The following HDAC5 variants were observed in gnomAD, a reference collection of about 807,000 sequenced individuals.
HDAC5 encodes the protein histone deacetylase 5, also known as antigen NY-CO-9.
HDAC5 carries 25 observed loss-of-function variants against 133.3 expected under a neutral mutation model. The ratio of observed to expected loss-of-function variants is 0.19; its 90% CI spans 0.14 to 0.26. The LOEUF (loss-of-function observed/expected upper bound fraction) is 0.26, where lower values mean the gene tolerates loss of function less well. Among genes scored for constraint, HDAC5 ranks in the 10% least tolerant of loss-of-function variants. HDAC5 has a pLI of 1.00. For synonymous variants in HDAC5, 589 were observed against 610.8 expected (o/e 0.96, Z 0.53); for missense variants, 1,041 against 1,460.5 (o/e 0.71, Z 4.68).
rs778721116 is a variant in HDAC5, at chr17:44,110,744, T to C, written c.79A>G (p.Ser27Gly). 10 of 1,613,676 alleles carry C rather than the reference T, an allele frequency of 6.2e-6. No individual in the cohort carries two copies. In the African/African-American group the frequency reaches 8.0e-5, roughly 13 times the overall value. Residue 27 changes from serine to glycine, a missense_variant, in exon 3 of 27, where the codon AGC becomes GGC. This residue lies in a region of HDAC5 where 93 missense variants were observed against 98.8 expected (regional missense o/e 0.94). Transcript: ENST00000682912. ...AGGCACTTACCTGTCACAGGGATGC[T>C]GTGCAGAGAAGTCCGCGGCAGGATT... is the stretch of plus-strand genomic sequence containing the variant. ...LEILPRTSLH[S>G]IPVTVEVKPV...
chr17:44,081,272 C>T (rs1244708187), intron 20 of HDAC5, among the ~76,000 whole-genome samples: 1 of 151,370 alleles, frequency 6.6e-6, no homozygotes, highest in Non-Finnish European at 1.5e-5. Context: ...TTTTTGAGAC[C>T]AAGTTTCACT....
Position 44,096,112 on chromosome 17 carries a change from G to C in HDAC5, c.95-2278C>G, listed in dbSNP as rs1309954678. On this transcript the variant is annotated intron_variant, in intron 3 of 26. Transcript: ENST00000682912. The stretch of plus-strand genomic sequence containing the variant: ...ACTGGGCAAACACCACACCAGCAGG[G>C]AGCCCCAAGCCCAGCCCAAGCCCCA... Among the ~76,000 whole-genome samples, 4 of 152,234 alleles carry C rather than the reference G, an allele frequency of 2.6e-5. No homozygotes were observed. The East Asian group carries it at 7.7e-4, about 29-fold the overall frequency.
Position 44,078,819 on chromosome 17 carries a change from G to C in HDAC5, c.3139C>G (p.Leu1047Val), listed in dbSNP as rs2050241620. 14 of 1,614,150 alleles carry C rather than the reference G, an allele frequency of 8.7e-6. No homozygotes were observed. Among genetic ancestry groups the C allele is most frequent in the Non-Finnish European group, 1.1e-5 (13 of 1,180,022 alleles). ...CTCTGGATCTCGATGACTTTCTCTAGCGTGGCCACTGCGTTGATGTTGGGC... is the reference window on the plus strand; with the variant it reads ...CTCTGGATCTCGATGACTTTCTCTACCGTGGCCACTGCGTTGATGTTGGGC... ...QKPNINAVAT[L>V]EKVIEIQSKH... Residue 1047 changes from leucine to valine, a missense_variant, in exon 25 of 27, where the codon CTA (leucine) becomes GTA (valine). Around this residue, in one of 9 missense-constraint regions of HDAC5, gnomAD observed 95 missense variants for 107.3 expected, o/e 0.88. Coordinates refer to ENST00000682912, the MANE Select transcript of HDAC5 (RefSeq NM_005474.5).
At position 44,078,504 on chromosome 17, in the gene HDAC5, G is replaced by C. The variant is rs752650577; in HGVS notation, c.3325C>G (p.Pro1109Ala). Residue 1109 changes from proline (P) to alanine (A), a missense_variant, in exon 26 of 27, where the codon CCC becomes GCC. By Grantham distance (27) the Pro-to-Ala change is conservative (BLOSUM62 -1). This residue lies in a region of HDAC5 where 95 missense variants were observed against 107.3 expected (regional missense o/e 0.88). Coordinates refer to ENST00000682912, the MANE Select transcript of HDAC5 (RefSeq NM_005474.5). ...GTGGTGCGGGTTGCTGCTTACCTGGGGCTGTGTTCCCGGGCTGCCGCAGCC... is the reference window on the plus strand; with the variant it reads ...GTGGTGCGGGTTGCTGCTTACCTGGCGCTGTGTTCCCGGGCTGCCGCAGCC... ...AQAAAAREHS[P>A]RPAEEPMEQE... 6.2e-7 allele frequency: 1 copy of C among 1,607,090 alleles called. No homozygotes were observed. The highest frequency in any genetic ancestry group is 8.5e-7 in the Non-Finnish European group (1 of 1,176,506).
At chr17:44,093,054 C>T (rs994143374) in intron 6 of HDAC5, 38 bp downstream of exon 6, 1 of 1,494,620 alleles carries the variant, frequency 6.7e-7, no homozygotes, top group East Asian at 2.3e-5. Context: ...CCCTGAGCGG[C>T]TCACCTATGC....
intron 14 of HDAC5, 47 bp downstream of exon 14, chr17:44,086,525 G>GCC (rs1353657039): frequency 7.9e-7 from 1 of 1,266,338 alleles, no homozygotes; most frequent in African/African-American, 1.5e-5. Context: ...CCACACACAG[G>GCC]CCCTCTGGTG....
In HDAC5 at chr17:44,093,321, G is replaced by C; in HGVS notation, c.519C>G (p.Ser173Arg). ...CAGGAGGCCCTGCCTTACTCTCTTT[G>C]CTCTTCTCCTTGTTCCGCAGGATGA... ...QLLILRNKEK[S>R]KESAIASTEV... Residue 173 changes from serine (S) to arginine (R), a missense_variant, in exon 5 of 27, where the codon AGC becomes AGG. By Grantham distance (110) the Ser-to-Arg change is moderately radical. Around this residue, in one of 9 missense-constraint regions of HDAC5, gnomAD observed 109 missense variants for 168.0 expected, o/e 0.65. Transcript: ENST00000682912. 1 of 1,591,702 alleles carries C rather than the reference G, an allele frequency of 6.3e-7. No individual in the cohort carries two copies. Among genetic ancestry groups the C allele is most frequent in the Non-Finnish European group, 8.5e-7 (1 of 1,169,918 alleles).
intron 2 of HDAC5, among the ~76,000 whole-genome samples, chr17:44,115,629 G>C (rs186958174): frequency 6.6e-6 from 1 of 152,310 alleles, no homozygotes; most frequent in Admixed American, 6.5e-5. Context: ...GGGAAAGCCA[G>C]TCCAGAACCC....
intron 16 of HDAC5, among the ~76,000 whole-genome samples, chr17:44,084,121 T>TAAA (rs1479501966): frequency 2.7e-5 from 4 of 146,772 alleles, no homozygotes; most frequent in African/African-American, 1.0e-4. Flanking sequence ...CAAGACTGTC[T>TAAA]CAAAAAAAAA....
At chr17:44,084,294 G>T (rs1427708610) in intron 16 of HDAC5, among the ~76,000 whole-genome samples, 1 of 152,150 alleles carries the variant, frequency 6.6e-6, no homozygotes, top group Admixed American at 6.5e-5. Flanking sequence ...GGAGAGAGGA[G>T]CATGATAAGC....
At chr17:44,081,258 T>TA (rs992087846) in intron 20 of HDAC5, among the ~76,000 whole-genome samples, 1 of 152,034 alleles carries the variant, frequency 6.6e-6, no homozygotes, top group Non-Finnish European at 1.5e-5. Flanking sequence ...TTCTTTCTTT[T>TA]TTTTTTTTGA....
intron 3 of HDAC5, among the ~76,000 whole-genome samples, chr17:44,099,451 G>A (rs12947686): frequency 5.9e-5 from 9 of 152,112 alleles, no homozygotes; most frequent in African/African-American, 1.9e-4. Context: ...GTTGCTGAGT[G>A]GGTGGGGCTG....
At chr17:44,110,865 G>A (rs1329972158) in intron 2 of HDAC5, 65 bp from the exon 3 acceptor site, 3 of 1,398,138 alleles carry the variant, frequency 2.1e-6, no homozygotes, top group Admixed American at 1.9e-5. Context: ...CCTGAGCCTT[G>A]GGCACCAGCA....
intron 1 of HDAC5, among the ~76,000 whole-genome samples, chr17:44,122,166 C>A (rs755174734): frequency 6.6e-6 from 1 of 152,026 alleles, no homozygotes; most frequent in Non-Finnish European, 1.5e-5. Context: ...CCTAGCCCAG[C>A]CCAGCCCAGC....
chr17:44,083,024 G>A (rs1334967358), intron 18 of HDAC5, among the ~76,000 whole-genome samples: 2 of 152,112 alleles, frequency 1.3e-5, no homozygotes, highest in Non-Finnish European at 2.9e-5. Flanking sequence ...TGTCACCCAG[G>A]CTGGAGTGCA....
rs567183347 is a variant in HDAC5 at position 44,104,129 on chromosome 17, T to C, written c.94+6600A>G. Among the ~76,000 whole-genome samples the C allele has an allele frequency of 2.0e-5, 3 of 147,496 alleles. 1 individual carries two copies. The highest frequency in any genetic ancestry group is 7.4e-5 in the African/African-American group (3 of 40,512). On this transcript the variant is annotated intron_variant, in intron 3 of 26. Transcript: ENST00000682912. ...TGAGGTCAGGATTTCAAGACCAGCC[T>C]GGCCAACGTGGTGAAACCCCGTCTC...
At chr17:44,082,939 C>G in intron 18 of HDAC5, 119 bp from the exon 19 acceptor site, 1 of 847,534 alleles carries the variant, frequency 1.2e-6, no homozygotes, top group Non-Finnish European at 1.9e-6. Flanking sequence ...AAAAGCAGAT[C>G]CATATGTTTA....
chr17:44,100,002 G>A (rs1468959350), intron 3 of HDAC5, among the ~76,000 whole-genome samples: 2 of 152,142 alleles, frequency 1.3e-5, no homozygotes, highest in Non-Finnish European at 2.9e-5. Context: ...CTGGTCCTCT[G>A]GGGGAGATGA....
chr17:44,123,617 G>A lies in HDAC5; in HGVS notation c.-303C>T, dbSNP rs965191687. 8 of 396,384 alleles carry A rather than the reference G, an allele frequency of 2.0e-5. No individual in the cohort carries two copies. The highest frequency in any genetic ancestry group is 2.2e-5 in the Non-Finnish European group (5 of 224,784). 24.6% of individuals were successfully genotyped at this position (396,384 alleles called of 1,614,324 possible). A position where few individuals can be genotyped will look rare whatever the true frequency, so the allele number is the denominator to read the frequency against. On this transcript the variant is annotated 5_prime_UTR_variant, in exon 1 of 27. Coordinates refer to ENST00000682912, the MANE Select transcript of HDAC5 (RefSeq NM_005474.5). ...TCTTTGCGGCGGCTCCTCCGGCTCCGCTCGCCGCCGCCACCAACAACAACA... is the reference window on the plus strand; with the variant it reads ...TCTTTGCGGCGGCTCCTCCGGCTCCACTCGCCGCCGCCACCAACAACAACA...
Sources: allele counts gnomAD v4.1 joint callset (sites outside exome capture counted in the v4.1 genomes callset), GRCh38; gene constraint gnomAD v4.1.1; regional missense constraint gnomAD v4.1.1; transcripts MANE v1.5; gene names NCBI Gene and HGNC (gene_info 2026-07-23, HGNC 2026-07-21).